Variants in ASTN2 observed in about 807,000 individuals in gnomAD.
The protein encoded by ASTN2 is astrotactin 2, also known as astrotactin-2.
Under a neutral mutation model 139.8 loss-of-function variants are expected in ASTN2, and 54 were observed. That is an observed-to-expected ratio of 0.39 (90% CI 0.31 to 0.48). The LOEUF is 0.48. Ranked by LOEUF, ASTN2 falls within the 20% of genes least tolerant of loss-of-function variation. The pLI is 0.95. For missense variants in ASTN2, 1,565 were observed against 1,725.1 expected (o/e 0.91, Z 1.64); for synonymous variants, 756 against 719.5 (o/e 1.05, Z -0.81).
At chr9:117,187,382 C>T (rs1474954188) in intron 3 of ASTN2, among the ~76,000 whole-genome samples, 1 of 151,864 alleles carries the variant, frequency 6.6e-6, no homozygotes, top group Non-Finnish European at 1.5e-5. Context: ...GATGATGATG[C>T]TAAAAAATAA....
chr9:117,250,590 T>A (rs999108043), intron 2 of ASTN2, among the ~76,000 whole-genome samples: 2 of 152,234 alleles, frequency 1.3e-5, no homozygotes, highest in African/African-American at 4.8e-5. Context: ...TAAACACCAA[T>A]GAAGCACCTA....
chr9:116,739,002 A>G (rs1829021324), intron 13 of ASTN2, among the ~76,000 whole-genome samples: 2 of 109,708 alleles, frequency 1.8e-5, no homozygotes, highest in Admixed American at 8.9e-5. Flanking sequence ...TTGAAACACA[A>G]CATTCACTTA....
chr9:116,835,441 T>C (rs1345017524), intron 11 of ASTN2, among the ~76,000 whole-genome samples: 1 of 152,182 alleles, frequency 6.6e-6, no homozygotes, highest in African/African-American at 2.4e-5. Flanking sequence ...TAGCTACATC[T>C]TTTTCTTTCA....
chr9:117,364,735 C>T (rs969455922), intron 1 of ASTN2, among the ~76,000 whole-genome samples: 4 of 151,886 alleles, frequency 2.6e-5, no homozygotes, highest in South Asian at 2.1e-4. Flanking sequence ...ACTTAAGTTA[C>T]GAAGTCTATC....
At chr9:116,684,892 G>C (rs528589117) in intron 16 of ASTN2, among the ~76,000 whole-genome samples, 140 of 152,326 alleles carry the variant, frequency 9.2e-4, no homozygotes, top group African/African-American at 3.2e-3. Flanking sequence ...TAACTTCCAA[G>C]CTGTCCTTGT....
chr9:117,357,611 C>T (rs1338432999), intron 1 of ASTN2, among the ~76,000 whole-genome samples: 1 of 151,942 alleles, frequency 6.6e-6, no homozygotes, highest in Admixed American at 6.6e-5. Flanking sequence ...ATTAAAGTCA[C>T]CTTTAGTGTT....
chr9:117,250,774 A>G (rs1029941766), intron 2 of ASTN2, among the ~76,000 whole-genome samples: 17 of 152,212 alleles, frequency 1.1e-4, no homozygotes, highest in Non-Finnish European at 1.8e-4. Flanking sequence ...CAGTGCTTCA[A>G]ATGGGGAAAC....
chr9:116,905,155 G>A (rs1588399431), intron 10 of ASTN2, among the ~76,000 whole-genome samples: 1 of 151,780 alleles, frequency 6.6e-6, no homozygotes, highest in East Asian at 1.9e-4. Flanking sequence ...TTCACTTCTG[G>A]AGGGGCCGCG....
intron 13 of ASTN2, among the ~76,000 whole-genome samples, chr9:116,749,803 A>G (rs1042163833): frequency 6.6e-6 from 1 of 152,044 alleles, no homozygotes; most frequent in African/African-American, 2.4e-5. Context: ...AGTTCACACA[A>G]AACCTGGTTG....
At chr9:116,748,245 T>G (rs749060508) in intron 13 of ASTN2, among the ~76,000 whole-genome samples, 1 of 152,134 alleles carries the variant, frequency 6.6e-6, no homozygotes, top group Non-Finnish European at 1.5e-5. Context: ...AAACACAAAT[T>G]GAAACCTAAA....
intron 1 of ASTN2, among the ~76,000 whole-genome samples, chr9:117,325,304 C>G (rs1474350180): frequency 1.3e-5 from 2 of 152,108 alleles, no homozygotes; most frequent in African/African-American, 4.8e-5. Context: ...CCAGAGTGTA[C>G]AGGCTCACCT....
intron 7 of ASTN2, among the ~76,000 whole-genome samples, chr9:116,977,235 T>A (rs1266958268): frequency 6.6e-6 from 1 of 152,240 alleles, no homozygotes; most frequent in Non-Finnish European, 1.5e-5. Context: ...AAATCCCAAG[T>A]TAAATGCCGC....
intron 19 of ASTN2, chr9:116,585,571 G>A (rs1854113328): frequency 6.6e-6 from 1 of 152,124 alleles, no homozygotes. Flanking sequence ...ATGAAGAAAG[G>A]ACTCCTTATT....
At chr9:116,561,114 G>A (rs1269246857) in intron 19 of ASTN2, among the ~76,000 whole-genome samples, 1 of 152,094 alleles carries the variant, frequency 6.6e-6, no homozygotes, top group Non-Finnish European at 1.5e-5. Context: ...GAGAGAGAGT[G>A]TGTCCCTGCT....
intron 13 of ASTN2, among the ~76,000 whole-genome samples, chr9:116,802,776 G>A (rs923334494): frequency 6.6e-6 from 1 of 152,188 alleles, no homozygotes; most frequent in Non-Finnish European, 1.5e-5. Flanking sequence ...CTCATGGGTG[G>A]GGCTGGGATT....
chr9:116,447,709 TAA>T (rs1485268306), intron 20 of ASTN2, among the ~76,000 whole-genome samples: 1 of 152,154 alleles, frequency 6.6e-6, no homozygotes, highest in African/African-American at 2.4e-5. Flanking sequence ...CTTGTTAGAA[TAA>T]AAGAGAGTGC....
At chr9:117,121,101 ATG>A (rs747546918) in intron 4 of ASTN2, among the ~76,000 whole-genome samples, 7 of 152,242 alleles carry the variant, frequency 4.6e-5, no homozygotes, top group Non-Finnish European at 7.3e-5. Context: ...TCACATCCAC[ATG>A]GGGTAGGCAT....
chr9:117,300,601 T>C (rs937244670), intron 1 of ASTN2, among the ~76,000 whole-genome samples: 1 of 152,074 alleles, frequency 6.6e-6, no homozygotes, highest in Non-Finnish European at 1.5e-5. Context: ...TATCAGGAGA[T>C]TGGACAGGGC....
chr9:116,683,747 C>G (rs191325714), intron 16 of ASTN2, among the ~76,000 whole-genome samples: 2 of 152,286 alleles, frequency 1.3e-5, no homozygotes. Flanking sequence ...TTTCTCTCTA[C>G]CTGATTTCTC....
Sources: allele counts gnomAD v4.1 joint callset (sites outside exome capture counted in the v4.1 genomes callset), GRCh38; gene constraint gnomAD v4.1.1; transcripts MANE v1.5; gene names NCBI Gene and HGNC (gene_info 2026-07-23, HGNC 2026-07-21).